GLIS1: variants seen among roughly 807,000 people sequenced by gnomAD.
The protein encoded by GLIS1 is zinc finger protein GLIS1.
In GLIS1, 24 loss-of-function variants were observed where a neutral mutation model predicts 63.8. The ratio of observed to expected loss-of-function variants is 0.38; its 90% confidence interval spans 0.27 to 0.53. GLIS1 has a LOEUF of 0.53. Ranked by LOEUF, GLIS1 falls within the 20% of genes least tolerant of loss-of-function variation. GLIS1 has a pLI of 0.85. For missense variants in GLIS1, 1,036 were observed against 1,074.1 expected (o/e 0.96, Z 0.50); for synonymous variants, 450 against 482.5 (o/e 0.93, Z 0.88).
intron 4 of GLIS1, among the ~76,000 whole-genome samples, chr1:53,570,680 G>C (rs557071339): frequency 1.3e-5 from 2 of 152,282 alleles, no homozygotes; most frequent in African/African-American, 4.8e-5. Context: ...ATATGACAGA[G>C]TGGCACTACA....
intron 2 of GLIS1, among the ~76,000 whole-genome samples, chr1:53,709,481 G>A (rs553817082): frequency 8.0e-5 from 12 of 150,800 alleles, no homozygotes; most frequent in African/African-American, 2.9e-4. Context: ...TGATGGGTAA[G>A]TTGGTGATTC....
intron 2 of GLIS1, among the ~76,000 whole-genome samples, 151 bp downstream of exon 2, chr1:53,737,655 T>C (rs1287018496): frequency 6.6e-6 from 1 of 152,236 alleles, no homozygotes; most frequent in East Asian, 1.9e-4. Context: ...CAGGCATACT[T>C]TCACACTGAC....
intron 4 of GLIS1, among the ~76,000 whole-genome samples, chr1:53,554,643 G>C (rs569707180): frequency 6.6e-6 from 1 of 152,034 alleles, no homozygotes; most frequent in Non-Finnish European, 1.5e-5. Context: ...CCCCCCCAGG[G>C]CAACAGGGCA....
intron 4 of GLIS1, among the ~76,000 whole-genome samples, chr1:53,557,009 G>A (rs999197441): frequency 5.3e-5 from 8 of 151,468 alleles, no homozygotes; most frequent in Non-Finnish European, 1.2e-4. Context: ...TACTACAGGT[G>A]AGTGTGTGTG....
At chr1:53,546,929 G>A (rs921070007) in intron 4 of GLIS1, among the ~76,000 whole-genome samples, 2 of 128,860 alleles carry the variant, frequency 1.6e-5, no homozygotes, top group African/African-American at 2.7e-5. Context: ...CGGGCTCTGC[G>A]CCTCTTTCTT....
At chr1:53,615,664 A>G (rs999133272) in intron 2 of GLIS1, among the ~76,000 whole-genome samples, 1 of 152,224 alleles carries the variant, frequency 6.6e-6, no homozygotes, top group Non-Finnish European at 1.5e-5. Context: ...TGGGATTTAT[A>G]TGCAACAGGG....
chr1:53,529,986 C>G (rs762870349), intron 4 of GLIS1, 34 bp from the exon 5 acceptor site: 1 of 1,600,030 alleles, frequency 6.2e-7, no homozygotes, highest in Non-Finnish European at 8.5e-7. Context: ...AACTCCCAGC[C>G]CGGTGGGCAC....
chr1:53,695,235 G>A (rs3006885), intron 2 of GLIS1, among the ~76,000 whole-genome samples: 150,920 of 152,354 alleles, frequency 0.99, 74,764 homozygotes, highest in Middle Eastern at 1. Context: ...ACCACAGGCC[G>A]TCATCTCACC....
At chr1:53,514,854 T>C (rs1644334771) in intron 7 of GLIS1, 73 bp from the exon 8 acceptor site, 1 of 1,440,460 alleles carries the variant, frequency 6.9e-7, no homozygotes, top group African/African-American at 1.5e-5. Flanking sequence ...CCAGGAGCTG[T>C]GTGTGCCTGA....
chr1:53,594,865 C>A lies in GLIS1; in HGVS notation c.563G>T (p.Arg188Leu). ...GTGCAGGCCAGTGGCCAGCGGGCCC[C>A]GACAGTGGGCAGACAGGGATGTGCG... The part of the protein sequence containing the change: ...EARTSLSAHC[R>L]GPLATGLHPD... Residue 188 changes from arginine (R) to leucine (L), a missense_variant, in exon 4 of 11, where the codon CGG (arginine) becomes CTG (leucine). Physicochemically the swap from Arg to Leu is moderately radical, Grantham distance 102. Transcript: ENST00000628545. 1 of 1,580,294 alleles carries A rather than the reference C, an allele frequency of 6.3e-7. No individual in the cohort carries two copies. The highest frequency in any genetic ancestry group is 2.2e-5 in the East Asian group (1 of 44,578).
chr1:53,566,008 T>C (rs1206152677), intron 4 of GLIS1, among the ~76,000 whole-genome samples: 15 of 152,162 alleles, frequency 9.9e-5, no homozygotes, highest in Admixed American at 9.8e-4. Context: ...AAGAAGTATT[T>C]GACATTAGTA....
chr1:53,702,957 G>C (rs1199899669), intron 2 of GLIS1, among the ~76,000 whole-genome samples: 2 of 152,200 alleles, frequency 1.3e-5, no homozygotes, highest in Non-Finnish European at 2.9e-5. Flanking sequence ...GAGCACCGTG[G>C]CATCAAGGCT....
At chr1:53,685,012 C>T (rs1005639090) in intron 2 of GLIS1, among the ~76,000 whole-genome samples, 1 of 152,154 alleles carries the variant, frequency 6.6e-6, no homozygotes, top group Non-Finnish European at 1.5e-5. Context: ...AGAGGAGACA[C>T]CTGACCTGGG....
rs769982339 is a variant in GLIS1 at position 53,506,602 on chromosome 1, C to T, written c.*17G>A. ...GCATCTGCAGTGCTGGATGGGCAGG[C>T]GCATGTGGGGGCTCCTTCAGGTGTC... On this transcript the variant is annotated 3_prime_UTR_variant, in exon 11 of 11. Transcript: ENST00000628545. The T allele has an allele frequency of 4.6e-5, 74 of 1,611,860 alleles. No homozygotes were observed. The highest frequency in any genetic ancestry group is 5.5e-5 in the Non-Finnish European group (65 of 1,179,174).
chr1:53,672,052 T>C (rs748250493), intron 2 of GLIS1, among the ~76,000 whole-genome samples: 3 of 152,184 alleles, frequency 2.0e-5, no homozygotes, highest in Non-Finnish European at 2.9e-5. Flanking sequence ...GCCAAGCTGG[T>C]TGTGGCCAAC....
intron 2 of GLIS1, among the ~76,000 whole-genome samples, chr1:53,705,462 T>C (rs1646569529): frequency 1.3e-5 from 2 of 152,044 alleles, no homozygotes; most frequent in South Asian, 4.1e-4. Context: ...TCTTGGGGAG[T>C]TGGAGCGGGG....
intron 5 of GLIS1, among the ~76,000 whole-genome samples, chr1:53,529,265 T>C (rs1317217964): frequency 6.6e-6 from 1 of 151,718 alleles, no homozygotes; most frequent in Non-Finnish European, 1.5e-5. Context: ...GAGCCTGGAG[T>C]CTTAGGCACT....
intron 2 of GLIS1, among the ~76,000 whole-genome samples, chr1:53,698,461 C>G (rs1178408529): frequency 6.6e-6 from 1 of 152,220 alleles, no homozygotes; most frequent in East Asian, 1.9e-4. Context: ...GTCCAAAAAG[C>G]TGTGAGGAAG....
At chr1:53,614,910 TCACA>T (rs71814487) in intron 2 of GLIS1, among the ~76,000 whole-genome samples, 5 of 151,526 alleles carry the variant, frequency 3.3e-5, no homozygotes, top group Admixed American at 6.6e-5. Context: ...GTGCACACAC[TCACA>T]CACACTCTCA....
Sources: gnomAD v4.1 joint callset for allele counts (sites outside exome capture counted in the v4.1 genomes callset) on GRCh38, gnomAD v4.1.1 for gene constraint, MANE v1.5 for transcripts, NCBI Gene and HGNC (gene_info 2026-07-23, HGNC 2026-07-21) for gene names.